Variants in RELN observed in about 807,000 individuals in gnomAD.
RELN encodes the protein reelin.
RELN carries 108 observed loss-of-function variants against 427.6 expected under a neutral mutation model. That is an observed-to-expected ratio of 0.25 (90% CI 0.22 to 0.30). The LOEUF (loss-of-function observed/expected upper bound fraction) is 0.30. Among genes scored for constraint, RELN ranks in the 10% least tolerant of loss-of-function variants. The pLI is 1.00. For missense variants in RELN, 3,715 were observed against 4,302.8 expected, an observed-to-expected ratio of 0.86 and a Z score of 3.82; for synonymous variants, 1,524 against 1,513.4, an observed-to-expected ratio of 1.01 and a Z score of -0.16.
intron 2 of RELN, among the ~76,000 whole-genome samples, chr7:103,890,728 GA>G (rs1360443385): frequency 6.6e-6 from 1 of 152,140 alleles, no homozygotes; most frequent in Non-Finnish European, 1.5e-5. Flanking sequence ...GCCATGGTAG[GA>G]CCCCAGAGTC....
intron 2 of RELN, among the ~76,000 whole-genome samples, chr7:103,844,309 C>A (rs931310206): frequency 2.6e-5 from 4 of 152,128 alleles, no homozygotes; most frequent in African/African-American, 9.7e-5. Flanking sequence ...AAGAAATGCC[C>A]AGTTGACCTA....
intron 30 of RELN, among the ~76,000 whole-genome samples, chr7:103,572,604 T>G (rs1331040731): frequency 6.6e-6 from 1 of 151,892 alleles, no homozygotes; most frequent in Non-Finnish European, 1.5e-5. Context: ...TGGCGTGATC[T>G]CGACTCACTG....
intron 4 of RELN, among the ~76,000 whole-genome samples, chr7:103,755,004 G>A (rs931525685): frequency 6.6e-6 from 1 of 152,168 alleles, no homozygotes; most frequent in Non-Finnish European, 1.5e-5. Flanking sequence ...GCTAAGGAGT[G>A]TCTATAGATG....
intron 4 of RELN, among the ~76,000 whole-genome samples, chr7:103,768,889 C>A (rs937529812): frequency 1.3e-5 from 2 of 152,182 alleles, no homozygotes; most frequent in African/African-American, 4.8e-5. Flanking sequence ...CGTCCCTTCT[C>A]CTTCCTAAGT....
At chr7:103,513,356 C>T (rs1208907292) in intron 50 of RELN, 1 of 152,072 alleles carries the variant, frequency 6.6e-6, no homozygotes, top group African/African-American at 2.4e-5. Context: ...AAAATCAAAT[C>T]AGCATTTTAG....
intron 2 of RELN, among the ~76,000 whole-genome samples, chr7:103,899,494 G>T (rs1282535433): frequency 1.3e-5 from 2 of 152,016 alleles, no homozygotes; most frequent in African/African-American, 4.8e-5. Flanking sequence ...AACAAAAAAA[G>T]AAAATTTCAG....
At chr7:103,616,730 AT>A (rs1261343388) in intron 20 of RELN, among the ~76,000 whole-genome samples, 1 of 152,146 alleles carries the variant, frequency 6.6e-6, no homozygotes. Context: ...ACAACATTTA[AT>A]TGCCATCTTT....
Position 103,707,449 on chromosome 7 carries a change from T to C in RELN, c.806-6443A>G, listed in dbSNP as rs543225887. ...ATTTAAGATACACATGTAATTCATA[T>C]TTGCTTCCTAAATAACACATTCCAT... On this transcript the variant is annotated intron_variant, in intron 8 of 64. Coordinates refer to ENST00000428762, the MANE Select transcript of RELN (RefSeq NM_005045.4). Among the ~76,000 whole-genome samples, 7 of 152,276 alleles carry C rather than the reference T, an allele frequency of 4.6e-5. 2 individuals carry two copies. The highest frequency in any genetic ancestry group is 1.7e-4 in the African/African-American group (7 of 41,558).
chr7:103,947,669 G>A (rs2116754230), intron 1 of RELN, among the ~76,000 whole-genome samples: 1 of 152,276 alleles, frequency 6.6e-6, no homozygotes, highest in East Asian at 1.9e-4. Flanking sequence ...CTTTGTTACA[G>A]CAGTCCCAGC....
At chr7:103,622,023 T>C (rs1334127733) in intron 20 of RELN, among the ~76,000 whole-genome samples, 1 of 151,838 alleles carries the variant, frequency 6.6e-6, no homozygotes, top group African/African-American at 2.4e-5. Context: ...CTCAAAAAAA[T>C]AAAAATAAAA....
chr7:103,743,989 C>G (rs965967736), intron 6 of RELN, among the ~76,000 whole-genome samples: 4 of 152,122 alleles, frequency 2.6e-5, no homozygotes, highest in African/African-American at 9.7e-5. Context: ...CACACCTATT[C>G]CAAAATTGAC....
At chr7:103,763,817 C>A (rs928488039) in intron 4 of RELN, among the ~76,000 whole-genome samples, 4 of 151,938 alleles carry the variant, frequency 2.6e-5, no homozygotes, top group African/African-American at 9.7e-5. Context: ...GAAATCCAGG[C>A]TGAACTGGGG....
chr7:103,873,380 AC>A (rs1481145519), intron 2 of RELN, among the ~76,000 whole-genome samples: 1 of 135,808 alleles, frequency 7.4e-6, no homozygotes, highest in East Asian at 2.3e-4. Flanking sequence ...GGAAACAGAG[AC>A]ACAAAAAACC....
chr7:103,982,541 G>A (rs1252942766), intron 1 of RELN, among the ~76,000 whole-genome samples: 2 of 152,102 alleles, frequency 1.3e-5, no homozygotes, highest in African/African-American at 4.8e-5. Flanking sequence ...AGAACAAAGT[G>A]GTGAAGCAGA....
chr7:103,651,113 A>G (rs1241634452), intron 15 of RELN, among the ~76,000 whole-genome samples: 1 of 152,142 alleles, frequency 6.6e-6, no homozygotes, highest in Non-Finnish European at 1.5e-5. Context: ...GGGATAACAA[A>G]GAAAATAATT....
chr7:103,742,781 G>A (rs535776241), intron 6 of RELN, among the ~76,000 whole-genome samples: 2 of 152,156 alleles, frequency 1.3e-5, no homozygotes, highest in Non-Finnish European at 2.9e-5. Flanking sequence ...CCAAATCTAC[G>A]TCTGACTGGT....
intron 2 of RELN, among the ~76,000 whole-genome samples, chr7:103,910,833 A>T (rs1212236901): frequency 2.8e-4 from 34 of 121,674 alleles, no homozygotes; most frequent in Admixed American, 4.4e-4. Context: ...CCTTCCTTAC[A>T]CCTTATACAA....
chr7:103,736,020 G>A (rs1182006250), intron 6 of RELN, among the ~76,000 whole-genome samples: 1 of 152,196 alleles, frequency 6.6e-6, no homozygotes. Context: ...TAATGTGTCT[G>A]CACCCCCAGG....
At chr7:103,862,244 T>C (rs1794086377) in intron 2 of RELN, among the ~76,000 whole-genome samples, 1 of 152,170 alleles carries the variant, frequency 6.6e-6, no homozygotes, top group African/African-American at 2.4e-5. Flanking sequence ...TGACTGCCAG[T>C]AAAGTTGAAA....
Sources: allele counts gnomAD v4.1 joint callset (sites outside exome capture counted in the v4.1 genomes callset), GRCh38; gene constraint gnomAD v4.1.1; transcripts MANE v1.5; gene names NCBI Gene and HGNC (gene_info 2026-07-23, HGNC 2026-07-21).